GABRB1: variants seen among roughly 807,000 people sequenced by gnomAD.
The protein encoded by GABRB1 is gamma-aminobutyric acid type A receptor subunit beta1, also known as gamma-aminobutyric acid receptor subunit beta-1.
GABRB1 carries 17 observed loss-of-function variants against 51.6 expected under a neutral mutation model. The ratio of observed to expected loss-of-function variants is 0.33; its 90% CI spans 0.23 to 0.49. GABRB1 has a LOEUF of 0.49. Among genes scored for constraint, GABRB1 ranks in the 20% least tolerant of loss-of-function variants. GABRB1 has a pLI of 0.99. For synonymous variants in GABRB1, 247 were observed against 218.9 expected (o/e 1.13, Z -1.14); for missense variants, 410 against 600.6 (o/e 0.68, Z 3.32).
Position 47,426,017 on chromosome 4 carries a change from G to A in GABRB1, c.1424G>A (p.Ter475=). ...NVVYWLYYVH[*] The stretch of plus-strand genomic sequence containing the variant: ...GTCTATTGGCTTTACTATGTACACT[G>A]AGGTCTGTTCTAATGGTTCCATTTA... Residue 475 remains the stop codon, a stop_retained_variant, in exon 9 of 9, where the codon TGA becomes TAA. Coordinates refer to ENST00000295454, the MANE Select transcript of GABRB1 (RefSeq NM_000812.4). The A allele has an allele frequency of 1.3e-6, 2 of 1,578,808 alleles. No homozygotes were observed. Among genetic ancestry groups the A allele is most frequent in the Non-Finnish European group, 1.7e-6 (2 of 1,160,098 alleles).
intron 4 of GABRB1, among the ~76,000 whole-genome samples, chr4:47,178,189 T>C (rs542284896): frequency 1.3e-5 from 2 of 152,204 alleles, no homozygotes; most frequent in East Asian, 3.9e-4. Context: ...AATGAGAAAA[T>C]GCATTCGGAA....
At chr4:47,015,481 C>A (rs1201349313) in intron 1 of GABRB1, among the ~76,000 whole-genome samples, 1 of 151,936 alleles carries the variant, frequency 6.6e-6, no homozygotes, top group Non-Finnish European at 1.5e-5. Context: ...AAACAAGACT[C>A]CTTTTCCTTT....
intron 1 of GABRB1, among the ~76,000 whole-genome samples, chr4:47,024,445 C>T (rs559265648): frequency 6.6e-6 from 1 of 151,914 alleles, no homozygotes; most frequent in South Asian, 2.1e-4. Context: ...TCCCCCAAAT[C>T]CTCCATTCGA....
intron 1 of GABRB1, among the ~76,000 whole-genome samples, chr4:46,996,168 T>C (rs750702973): frequency 1.6e-4 from 24 of 152,056 alleles, no homozygotes; most frequent in Non-Finnish European, 2.6e-4. Context: ...TAAACTCCTA[T>C]TTGTGATAGC....
rs1298922277 is a variant in GABRB1, at chr4:47,398,543, T to C, written c.545-4775T>C. Among the ~76,000 whole-genome samples the C allele has an allele frequency of 2.0e-5, 3 of 150,332 alleles. No homozygotes were observed. The East Asian group carries it at 5.8e-4, about 29-fold the overall frequency. On this transcript the variant is annotated intron_variant, in intron 5 of 8. Transcript: ENST00000295454. ...TATATCTTCCCATGTTAAGGAAATA[T>C]CTTCTCATATATATAGAGAGAGAGA... is the stretch of plus-strand genomic sequence containing the variant.
At chr4:47,192,387 T>C (rs922558458) in intron 4 of GABRB1, among the ~76,000 whole-genome samples, 5 of 152,214 alleles carry the variant, frequency 3.3e-5, no homozygotes, top group Non-Finnish European at 4.4e-5. Context: ...ATGGTGAATA[T>C]ATATTTTTGT....
intron 3 of GABRB1, among the ~76,000 whole-genome samples, chr4:47,099,856 C>A (rs1304426226): frequency 6.6e-6 from 1 of 151,860 alleles, no homozygotes; most frequent in Non-Finnish European, 1.5e-5. Context: ...CCAAACACTC[C>A]TTTTCAGTAA....
intron 1 of GABRB1, among the ~76,000 whole-genome samples, chr4:47,022,042 A>ACTC (rs2109453218): frequency 6.6e-6 from 1 of 152,108 alleles, no homozygotes; most frequent in South Asian, 2.1e-4. Context: ...TCCTCCTCTA[A>ACTC]CTCATAATTA....
intron 4 of GABRB1, among the ~76,000 whole-genome samples, chr4:47,277,419 A>C (rs965604739): frequency 6.7e-6 from 1 of 150,274 alleles, no homozygotes; most frequent in African/African-American, 2.5e-5. Context: ...CCAACAAAAT[A>C]GAAAGAATGA....
rs71654875 is a variant in GABRB1, at chr4:47,420,943, AAC to A, written c.1081-4697_1081-4696del. Among the ~76,000 whole-genome samples, 786 of 140,976 alleles carry A rather than the reference AAC, an allele frequency of 5.6e-3. 4 individuals are homozygous for A. Among genetic ancestry groups the A allele is most frequent in the South Asian group, 0.029 (126 of 4,366 alleles). The allele number at this position is 140,976 out of a possible 152,430, so 92.5% of individuals were successfully genotyped here. ...GCATGAGCATGTACATACACACACAAACACACACACACACACACACACACACA... is the reference window on the plus strand; with the variant it reads ...GCATGAGCATGTACATACACACACAAACACACACACACACACACACACACA... On this transcript the variant is annotated intron_variant, in intron 8 of 8. Coordinates refer to ENST00000295454, the MANE Select transcript of GABRB1 (RefSeq NM_000812.4).
chr4:47,304,049 A>T (rs1724359222), intron 4 of GABRB1, among the ~76,000 whole-genome samples: 1 of 152,008 alleles, frequency 6.6e-6, no homozygotes, highest in Non-Finnish European at 1.5e-5. Context: ...TGCTTTCTTT[A>T]TCCATTCAAC....
At chr4:47,409,854 A>G (rs912565011) in intron 8 of GABRB1, among the ~76,000 whole-genome samples, 15 of 152,258 alleles carry the variant, frequency 9.9e-5, no homozygotes, top group African/African-American at 3.6e-4. Context: ...CTAGGATATC[A>G]GAGAAATTTT....
intron 3 of GABRB1, among the ~76,000 whole-genome samples, chr4:47,067,872 C>T (rs1727154920): frequency 6.6e-6 from 1 of 152,050 alleles, no homozygotes; most frequent in Non-Finnish European, 1.5e-5. Flanking sequence ...CTGATGCTCT[C>T]CCTCCCCTTA....
chr4:47,204,799 G>A (rs1036279296), intron 4 of GABRB1, among the ~76,000 whole-genome samples: 1 of 152,114 alleles, frequency 6.6e-6, no homozygotes, highest in Non-Finnish European at 1.5e-5. Flanking sequence ...CCCCAGCCAC[G>A]TGGAACTGTG....
At chr4:47,336,344 T>C (rs1725695707) in intron 5 of GABRB1, among the ~76,000 whole-genome samples, 1 of 152,116 alleles carries the variant, frequency 6.6e-6, no homozygotes, top group Non-Finnish European at 1.5e-5. Context: ...GTGCTAGAGG[T>C]TGGGGAGATA....
intron 4 of GABRB1, among the ~76,000 whole-genome samples, chr4:47,178,090 A>G (rs1718775782): frequency 6.6e-6 from 1 of 152,124 alleles, no homozygotes; most frequent in African/African-American, 2.4e-5. Context: ...TGTCAGTTAT[A>G]TGACCTTGGG....
chr4:47,217,732 A>T (rs930585525), intron 4 of GABRB1, among the ~76,000 whole-genome samples: 1 of 151,276 alleles, frequency 6.6e-6, no homozygotes, highest in African/African-American at 2.4e-5. Context: ...GTACATATTT[A>T]TGGGGTTCCA....
At chr4:47,330,088 C>G (rs533361056) in intron 5 of GABRB1, among the ~76,000 whole-genome samples, 1 of 152,202 alleles carries the variant, frequency 6.6e-6, no homozygotes, top group African/African-American at 2.4e-5. Flanking sequence ...AGTTCAAAAG[C>G]AGGAAAAAAC....
chr4:47,245,770 G>A (rs992147172), intron 4 of GABRB1, among the ~76,000 whole-genome samples: 9 of 150,890 alleles, frequency 6.0e-5, no homozygotes, highest in Non-Finnish European at 1.2e-4. Context: ...TTTTACATTT[G>A]AGAGAATGAG....
Sources: allele counts gnomAD v4.1 joint callset (sites outside exome capture counted in the v4.1 genomes callset), GRCh38; gene constraint gnomAD v4.1.1; transcripts MANE v1.5; gene names NCBI Gene and HGNC (gene_info 2026-07-23, HGNC 2026-07-21).